PORCN: variants seen among roughly 807,000 people sequenced by gnomAD.
PORCN encodes the protein protein-serine O-palmitoleoyltransferase porcupine.
In PORCN, 1 loss-of-function variant was observed where a neutral mutation model predicts 43.0. The ratio of observed to expected loss-of-function variants is 0.02; its 90% CI spans 0.01 to 0.11. The LOEUF (loss-of-function observed/expected upper bound fraction) is 0.11, where lower values mean the gene tolerates loss of function less well. Ranked by LOEUF, PORCN falls within the 10% of genes least tolerant of loss-of-function variation. PORCN has a pLI of 1.00. For missense variants in PORCN, 240 were observed against 392.1 expected, an observed-to-expected ratio of 0.61 and a Z score of 3.28; for synonymous variants, 148 against 166.4, an observed-to-expected ratio of 0.89 and a Z score of 0.85.
chrX:48,517,397 A>C (rs896596837), intron 14 of PORCN, 104 bp downstream of exon 14: 96 of 573,547 alleles, frequency 1.7e-4, no homozygotes, highest in Non-Finnish European at 2.5e-4. Context: ...AGCTCCTCAG[A>C]CTGTGCTGCT....
intron 14 of PORCN, among the ~76,000 whole-genome samples, 190 bp from the exon 15 acceptor site, chrX:48,520,185 A>G (rs782065633): frequency 8.9e-6 from 1 of 111,805 alleles, no homozygotes; most frequent in African/African-American, 3.3e-5. Flanking sequence ...GAATGGGATC[A>G]CTTTGTTTTT....
intron 14 of PORCN, 75 bp downstream of exon 14, chrX:48,517,368 G>T (rs1242938587): frequency 2.7e-6 from 2 of 750,778 alleles, no homozygotes; most frequent in African/African-American, 4.2e-5. Flanking sequence ...GAGGACAAAG[G>T]CTGGGAAGCT....
chrX:48,512,514 T>C lies in PORCN; in HGVS notation c.555+7T>C. The stretch of plus-strand genomic sequence containing the variant: ...TGTCCAAGGCCGCCCACTGGTGAGG[T>C]CCTGAGTGGATGGGTGGGCAGGGAC... On this transcript the variant is annotated splice_region_variant and intron_variant, in intron 5 of 14. Coordinates refer to ENST00000326194, the MANE Select transcript of PORCN (RefSeq NM_203475.3). 1 of 1,206,933 alleles carries C rather than the reference T, an allele frequency of 8.3e-7. No individual in the cohort carries two copies. The highest frequency in any genetic ancestry group is 1.1e-6 in the Non-Finnish European group (1 of 893,147).
chrX:48,519,812 A>G (rs906799166), intron 14 of PORCN, among the ~76,000 whole-genome samples: 1 of 112,082 alleles, frequency 8.9e-6, no homozygotes, highest in African/African-American at 3.2e-5. Context: ...CCTGACCAAC[A>G]TGGTGAAACC....
chrX:48,517,330 G>A (rs782119563), intron 14 of PORCN, 37 bp downstream of exon 14: 1 of 996,462 alleles, frequency 1.0e-6, no homozygotes, highest in East Asian at 3.3e-5. Flanking sequence ...TTAACCAAGG[G>A]TGGCGCTATC....
At chrX:48,511,042 C>T (rs2061671430) in intron 2 of PORCN, among the ~76,000 whole-genome samples, 1 of 111,720 alleles carries the variant, frequency 9.0e-6, no homozygotes, top group Non-Finnish European at 1.9e-5. Flanking sequence ...TTCTTTAAAC[C>T]CAGGCCCTGC....
Position 48,520,514 on chromosome X carries a change from C to A in PORCN, c.*38C>A. 9.4e-7 allele frequency: 1 copy of A among 1,061,502 alleles called. No homozygotes were observed. Among genetic ancestry groups the A allele is most frequent in the Non-Finnish European group, 1.3e-6 (1 of 759,485 alleles). 87.5% of individuals were successfully genotyped at this position (1,061,502 alleles called of 1,213,427 possible). A position where few individuals can be genotyped will look rare whatever the true frequency, so the allele number is the denominator to read the frequency against. ...GACCCTCATAACCCTCTTAAGACCC[C>A]TCTCAGGGTGCCACTGATGGGGGAT... On this transcript the variant is annotated 3_prime_UTR_variant, in exon 15 of 15. Transcript: ENST00000326194.
intron 13 of PORCN, 70 bp downstream of exon 13, chrX:48,516,216 T>C (rs1378956201): frequency 9.9e-7 from 1 of 1,009,192 alleles, no homozygotes; most frequent in African/African-American, 1.9e-5. Flanking sequence ...ATCTCTATCT[T>C]GTATGTGTCT....
At chrX:48,517,589 G>A (rs1032932517) in intron 14 of PORCN, among the ~76,000 whole-genome samples, 3 of 112,500 alleles carry the variant, frequency 2.7e-5, no homozygotes, top group Non-Finnish European at 5.6e-5. Flanking sequence ...AGGCCAAGGT[G>A]GGCAGATCAC....
chrX:48,512,405 G>A lies in PORCN; in HGVS notation c.453G>A (p.Ser151=), dbSNP rs375894841. The A allele has an allele frequency of 6.0e-5, 73 of 1,209,976 alleles. No individual in the cohort carries two copies. The highest frequency in any genetic ancestry group is 7.3e-5 in the Non-Finnish European group (65 of 895,090). Reference sequence around the variant, plus strand: ...GGGGCGAGGTGGGTACGGTGCCCTCGCCAGTGGAGTTCATGGGCTACCTCT... The same window carrying A: ...GGGGCGAGGTGGGTACGGTGCCCTCACCAGTGGAGTTCATGGGCTACCTCT... ...LDRGEVGTVP[S]PVEFMGYLYF... Residue 151 remains serine, a synonymous_variant, in exon 5 of 15, where the codon TCG becomes TCA. Transcript: ENST00000326194.
At position 48,509,835 on chromosome X, in the gene PORCN, C is replaced by T; in HGVS notation, c.15C>T (p.Ser5=). ...GGGGGTCTGCAATGGCCACCTTTAG[C>T]CGCCAGGAATTTTTCCAGCAGCTAC... is the stretch of plus-strand genomic sequence containing the variant. MATF[S]RQEFFQQLLQ... Residue 5 remains serine, a synonymous_variant, in exon 2 of 15, where the codon AGC becomes AGT. Coordinates refer to ENST00000326194, the MANE Select transcript of PORCN (RefSeq NM_203475.3). The T allele has an allele frequency of 8.3e-7, 1 of 1,211,363 alleles. No homozygotes were observed. Among genetic ancestry groups the T allele is most frequent in the South Asian group, 1.8e-5 (1 of 56,936 alleles).
intron 5 of PORCN, 38 bp from the exon 6 acceptor site, chrX:48,512,550 AC>A (rs2061683979): frequency 1.7e-6 from 2 of 1,208,386 alleles, no homozygotes; most frequent in East Asian, 5.9e-5. Flanking sequence ...TGTGGGAGCC[AC>A]CCTGGGGCAG....
At chrX:48,515,050 G>A (rs1556974958) in intron 10 of PORCN, among the ~76,000 whole-genome samples, 2 of 112,150 alleles carry the variant, frequency 1.8e-5, no homozygotes, top group Non-Finnish European at 1.9e-5. Flanking sequence ...CAAAGGTCCT[G>A]AGGCGGGAAC....
chrX:48,520,566 G>C lies in PORCN; in HGVS notation c.*90G>C, dbSNP rs2061752905. The C allele has an allele frequency of 1.6e-6, 1 of 631,149 alleles. No homozygotes were observed. Among genetic ancestry groups the C allele is most frequent in the African/African-American group, 2.2e-5 (1 of 45,025 alleles). The allele number at this position is 631,149 out of a possible 1,213,427, so 52.0% of individuals were successfully genotyped here. On this transcript the variant is annotated 3_prime_UTR_variant, in exon 15 of 15. Transcript: ENST00000326194. ...AGGGAAGGCCCTCTCTCTACTCCTT[G>C]ACCCCCTCCATCCTTGACCCCCAAC...
At position 48,510,191 on chromosome X, in the gene PORCN, G is replaced by T. The variant is rs1055316493; in HGVS notation, c.136+235G>T. 8.1e-5 allele frequency among the ~76,000 whole-genome samples: 9 copies of T among 111,115 alleles called. No homozygotes were observed. In the South Asian group the frequency reaches 1.2e-3, roughly 14 times the overall value. On this transcript the variant is annotated intron_variant, in intron 2 of 14. Coordinates refer to ENST00000326194, the MANE Select transcript of PORCN (RefSeq NM_203475.3). ...GCCACACCGAGCCACATCCTGCCAT[G>T]CCAAGCCATGCCCTTCAGTATTCCT...
rs782683193 is a variant in PORCN, at chrX:48,510,617, T to A, written c.136+661T>A. The stretch of plus-strand genomic sequence containing the variant: ...TAATTTTAAATGGATGTTCTATTTT[T>A]TCCCAGGTTTATTATTTTGAAATTT... On this transcript the variant is annotated intron_variant, in intron 2 of 14. Coordinates refer to ENST00000326194, the MANE Select transcript of PORCN (RefSeq NM_203475.3). 4.9e-3 allele frequency among the ~76,000 whole-genome samples: 545 copies of A among 112,154 alleles called. 4 individuals carry two copies. The highest frequency in any genetic ancestry group is 6.4e-3 in the Non-Finnish European group (342 of 53,238).
chrX:48,514,453 GGCC>G (rs1245813839), intron 9 of PORCN, 69 bp from the exon 10 acceptor site: 23 of 1,183,709 alleles, frequency 1.9e-5, no homozygotes, highest in Non-Finnish European at 2.6e-5. Context: ...GGGAGGGAAC[GGCC>G]AAGACAGAAG....
At position 48,510,008 on chromosome X, in the gene PORCN, C is replaced by T. The variant is rs781930077; in HGVS notation, c.136+52C>T. The T allele has an allele frequency of 8.2e-6, 8 of 977,633 alleles. No homozygotes were observed. The African/African-American group carries it at 9.5e-5, about 12-fold the overall frequency. The allele number at this position is 977,633 out of a possible 1,213,427, so 80.6% of individuals were successfully genotyped here. ...CCATGCCAGGCCATATCAGACCTCC[C>T]ACATTCATCCATATCGAGCCACACC... On this transcript the variant is annotated intron_variant, in intron 2 of 14. Transcript: ENST00000326194.
chrX:48,515,982 G>A (rs904279377), intron 12 of PORCN, 29 bp downstream of exon 12: 2 of 1,206,146 alleles, frequency 1.7e-6, no homozygotes, highest in Non-Finnish European at 2.2e-6. Flanking sequence ...CCAGCCGTTG[G>A]ATAGAAGGTT....
Sources: gnomAD v4.1 joint callset for allele counts (sites outside exome capture counted in the v4.1 genomes callset) on GRCh38, gnomAD v4.1.1 for gene constraint, MANE v1.5 for transcripts, NCBI Gene and HGNC (gene_info 2026-07-23, HGNC 2026-07-21) for gene names.